Variants in EYS observed in about 807,000 individuals in gnomAD.
EYS encodes protein eyes shut homolog.
A neutral mutation model predicts 282.1 loss-of-function variants in EYS; 250 were observed. The ratio of observed to expected loss-of-function variants is 0.89; its 90% CI spans 0.80 to 0.98. The LOEUF is 0.98. Ranked by LOEUF, EYS falls within the 50% of genes least tolerant of loss-of-function variation. The probability of loss-of-function intolerance (pLI) is 0.00; values close to 1 mark genes in which losing one functional copy is unlikely to be tolerated. For missense variants in EYS, 4,016 were observed against 3,709.0 expected (o/e 1.08, Z -2.15); for synonymous variants, 1,355 against 1,282.9 (o/e 1.06, Z -1.20).
chr6:64,763,941 A>G (rs1325832849), intron 22 of EYS, among the ~76,000 whole-genome samples: 3 of 152,196 alleles, frequency 2.0e-5, no homozygotes. Flanking sequence ...TCCAGGGCAC[A>G]TCGATGCAAG....
At chr6:65,447,314 GTGTATATATA>G (rs1768701209) in intron 5 of EYS, among the ~76,000 whole-genome samples, 2 of 90,872 alleles carry the variant, frequency 2.2e-5, no homozygotes, top group South Asian at 3.4e-4. Context: ...CTCTGTGTGT[GTGTATATATA>G]TGTGTGTGTA....
At chr6:65,131,376 C>G (rs1775871950) in intron 12 of EYS, among the ~76,000 whole-genome samples, 1 of 151,796 alleles carries the variant, frequency 6.6e-6, no homozygotes, top group Non-Finnish European at 1.5e-5. Flanking sequence ...ATACCAAAGA[C>G]AATCTCAGAT....
intron 22 of EYS, among the ~76,000 whole-genome samples, chr6:64,656,282 G>A (rs1227975023): frequency 6.6e-6 from 1 of 152,144 alleles, no homozygotes; most frequent in East Asian, 1.9e-4. Flanking sequence ...GGGGAAAGAA[G>A]ATTTTCCCAT....
chr6:65,353,374 T>C (rs1764358191), intron 9 of EYS, 84 bp downstream of exon 9: 1 of 1,158,116 alleles, frequency 8.6e-7, no homozygotes, highest in South Asian at 1.3e-5. Context: ...TATAAAATAC[T>C]TTGTGTGTTT....
In EYS at chr6:64,064,228, G is replaced by T. The variant is rs1275484782; in HGVS notation, c.6725+2110C>A. On this transcript the variant is annotated intron_variant, in intron 33 of 42. Coordinates refer to ENST00000503581, the MANE Select transcript of EYS (RefSeq NM_001142800.2). Reference sequence around the variant, plus strand: ...CTAAACCATATACACATAAGAATTAGTTTTTTTTTCTGTTTTGGCTTACCA... The same window carrying T: ...CTAAACCATATACACATAAGAATTATTTTTTTTTTCTGTTTTGGCTTACCA... Among the ~76,000 whole-genome samples the T allele has an allele frequency of 2.7e-5, 4 of 150,850 alleles. No homozygotes were observed. The East Asian group carries it at 7.7e-4, about 29-fold the overall frequency.
At chr6:65,511,387 A>G (rs1165359534) in intron 2 of EYS, among the ~76,000 whole-genome samples, 16 of 148,892 alleles carry the variant, frequency 1.1e-4, no homozygotes, top group African/African-American at 3.8e-4. Context: ...GAGAGAGAGA[A>G]AAGAGAGATC....
chr6:63,874,543 G>A (rs539640957), intron 35 of EYS, among the ~76,000 whole-genome samples: 38 of 152,238 alleles, frequency 2.5e-4, no homozygotes, highest in African/African-American at 8.7e-4. Context: ...AAAGTCATTG[G>A]TAGTTTGATG....
intron 15 of EYS, among the ~76,000 whole-genome samples, chr6:64,944,127 C>A (rs1369276588): frequency 6.6e-6 from 1 of 152,040 alleles, no homozygotes; most frequent in African/African-American, 2.4e-5. Context: ...GGAAGGACCC[C>A]CTATTCAATA....
At chr6:65,155,278 G>A (rs1471305809) in intron 12 of EYS, among the ~76,000 whole-genome samples, 1 of 151,444 alleles carries the variant, frequency 6.6e-6, no homozygotes, top group Non-Finnish European at 1.5e-5. Context: ...ACACTGACAT[G>A]TAGGTGACTG....
chr6:65,099,995 T>C (rs1774847992), intron 12 of EYS, among the ~76,000 whole-genome samples: 2 of 150,826 alleles, frequency 1.3e-5, no homozygotes, highest in African/African-American at 4.8e-5. Context: ...GGAATTCTCA[T>C]TTACATAAAA....
intron 22 of EYS, among the ~76,000 whole-genome samples, chr6:64,754,220 A>C (rs1772857202): frequency 6.6e-6 from 1 of 152,140 alleles, no homozygotes; most frequent in Non-Finnish European, 1.5e-5. Context: ...ATGGCTATAC[A>C]TTCACAACCC....
intron 1 of EYS, among the ~76,000 whole-genome samples, chr6:65,674,773 C>CA (rs201432315): frequency 0.015 from 2,310 of 150,942 alleles, 21 homozygotes; most frequent in Non-Finnish European, 0.022. Flanking sequence ...TAGATAGCAA[C>CA]AAAAAAAACA....
chr6:63,981,282 G>A (rs1362970996), intron 35 of EYS, among the ~76,000 whole-genome samples: 3 of 151,724 alleles, frequency 2.0e-5, no homozygotes, highest in Non-Finnish European at 1.5e-5. Context: ...TTCTTATTCT[G>A]ATAATCTCCT....
intron 9 of EYS, among the ~76,000 whole-genome samples, chr6:65,347,744 T>G (rs896380133): frequency 2.6e-5 from 4 of 151,690 alleles, no homozygotes; most frequent in Non-Finnish European, 5.9e-5. Flanking sequence ...AATTATATTC[T>G]TTTAATTACT....
intron 16 of EYS, among the ~76,000 whole-genome samples, chr6:64,910,443 T>C (rs1767956084): frequency 6.6e-6 from 1 of 152,042 alleles, no homozygotes; most frequent in African/African-American, 2.4e-5. Flanking sequence ...AGATCTGATT[T>C]ACAGAAACAT....
At chr6:64,841,814 G>C (rs759108365) in intron 19 of EYS, among the ~76,000 whole-genome samples, 17 of 152,118 alleles carry the variant, frequency 1.1e-4, no homozygotes, top group Non-Finnish European at 2.1e-4. Context: ...TTAGTTTGCT[G>C]TCAGATAAAT....
chr6:65,109,669 A>AAC (rs1476687748), intron 12 of EYS, among the ~76,000 whole-genome samples: 2 of 151,918 alleles, frequency 1.3e-5, no homozygotes, highest in Non-Finnish European at 2.9e-5. Context: ...AAAAAAAAAA[A>AAC]AACACCTTTT....
chr6:64,996,292 T>G (rs1583375521), intron 14 of EYS, among the ~76,000 whole-genome samples: 1 of 152,254 alleles, frequency 6.6e-6, no homozygotes, highest in African/African-American at 2.4e-5. Flanking sequence ...TATTATATTA[T>G]TATTTAAGTA....
At chr6:65,118,204 G>C (rs1280605414) in intron 12 of EYS, among the ~76,000 whole-genome samples, 3 of 152,146 alleles carry the variant, frequency 2.0e-5, no homozygotes, top group African/African-American at 7.2e-5. Context: ...AAGTATTCTA[G>C]TGAAACTGAA....
Sources: allele counts gnomAD v4.1 joint callset (sites outside exome capture counted in the v4.1 genomes callset), GRCh38; gene constraint gnomAD v4.1.1; transcripts MANE v1.5; gene names NCBI Gene and HGNC (gene_info 2026-07-23, HGNC 2026-07-21).